The following GDAP1 variants were observed in gnomAD, a reference collection of about 807,000 sequenced individuals.
GDAP1 encodes the protein ganglioside induced differentiation associated protein 1.
In GDAP1, 34 loss-of-function variants were observed where a neutral mutation model predicts 40.1. That is an observed-to-expected ratio of 0.85 (90% CI 0.64 to 1.13). The LOEUF is 1.13. Ranked by LOEUF, GDAP1 falls within the 50% of genes most tolerant of loss-of-function variation. The pLI, the probability that GDAP1 is intolerant of heterozygous loss-of-function variation, is 0.00. For missense variants in GDAP1, 374 were observed against 433.7 expected (o/e 0.86, Z 1.22); for synonymous variants, 170 against 157.4 (o/e 1.08, Z -0.60).
chr8:74,487,862 G>T (rs1290443839), intron 2 of GDAP1, among the ~76,000 whole-genome samples: 1 of 152,100 alleles, frequency 6.6e-6, no homozygotes, highest in Non-Finnish European at 1.5e-5. Flanking sequence ...CCATAAATTG[G>T]GAAGTGTTGT....
chr8:74,469,758 C>A (rs1806523019), intron 2 of GDAP1, among the ~76,000 whole-genome samples: 1 of 151,508 alleles, frequency 6.6e-6, no homozygotes, highest in African/African-American at 2.4e-5. Context: ...GGCGGATCAC[C>A]TGAGGTCGGG....
chr8:74,369,993 G>A (rs943937529), downstream of GDAP1, among the ~76,000 whole-genome samples: 1 of 152,242 alleles, frequency 6.6e-6, no homozygotes, highest in Admixed American at 6.5e-5. Context: ...TAAAAACTTG[G>A]GTTTTAAAGA....
chr8:74,467,405 A>G (rs1322005073), intron 2 of GDAP1, among the ~76,000 whole-genome samples: 1 of 152,210 alleles, frequency 6.6e-6, no homozygotes, highest in Non-Finnish European at 1.5e-5. Context: ...AGATTTAACC[A>G]CTGTGACATA....
At chr8:74,428,164 A>C (rs1223854812) in intron 2 of GDAP1, among the ~76,000 whole-genome samples, 1 of 152,132 alleles carries the variant, frequency 6.6e-6, no homozygotes, top group Non-Finnish European at 1.5e-5. Flanking sequence ...AAGCCGACAT[A>C]GGAGGATTAC....
chr8:74,409,668 A>G (rs555185556), intron 2 of GDAP1, among the ~76,000 whole-genome samples: 1 of 150,032 alleles, frequency 6.7e-6, no homozygotes, highest in East Asian at 1.9e-4. Flanking sequence ...TTCCTTTCTC[A>G]GGAAATCATT....
chr8:74,405,524 G>A (rs1186128482), intron 2 of GDAP1, among the ~76,000 whole-genome samples: 1 of 150,090 alleles, frequency 6.7e-6, no homozygotes, highest in Non-Finnish European at 1.5e-5. Flanking sequence ...TTGTTAAACT[G>A]AAGCAAACTA....
chr8:74,374,081 C>A (rs959636248), intron 2 of GDAP1, among the ~76,000 whole-genome samples: 44 of 152,114 alleles, frequency 2.9e-4, no homozygotes, highest in African/African-American at 1.0e-3. Context: ...GTACGTTGAA[C>A]CAGCCTCGCA....
intron 2 of GDAP1, among the ~76,000 whole-genome samples, chr8:74,429,796 TGTG>T (rs1366486418): frequency 6.6e-6 from 1 of 152,178 alleles, no homozygotes; most frequent in Non-Finnish European, 1.5e-5. Flanking sequence ...GCCCATAGCA[TGTG>T]GTAATGTAGA....
intron 2 of GDAP1, among the ~76,000 whole-genome samples, chr8:74,434,400 A>T (rs943343714): frequency 1.3e-5 from 2 of 152,228 alleles, no homozygotes; most frequent in Non-Finnish European, 2.9e-5. Flanking sequence ...AACTGTTCTC[A>T]TGAAGTAATT....
intron 2 of GDAP1, among the ~76,000 whole-genome samples, chr8:74,377,556 A>G (rs1388327600): frequency 1.3e-5 from 2 of 152,208 alleles, no homozygotes; most frequent in Non-Finnish European, 2.9e-5. Context: ...GCCAAATCCA[A>G]ATTAAAACCG....
chr8:74,453,371 G>C lies in GDAP1; in HGVS notation c.166-35307G>C, dbSNP rs1806306353. ...TCACTCAGGCTATGAGAAATTAAAA[G>C]ACAATACATACCTAAGCACTTATAG... On this transcript the variant is annotated intron_variant, in intron 2 of 2. Coordinates refer to the GDAP1 transcript ENST00000523640. 2.4e-5 allele frequency among the ~76,000 whole-genome samples: 2 copies of C among 84,018 alleles called. 1 individual carries two copies. The highest frequency in any genetic ancestry group is 4.9e-5 in the Non-Finnish European group (2 of 41,220). 55.1% of individuals were successfully genotyped at this position (84,018 alleles called of 152,430 possible). A position where few individuals can be genotyped will look rare whatever the true frequency, so the allele number is the denominator to read the frequency against.
intron 2 of GDAP1, among the ~76,000 whole-genome samples, chr8:74,399,622 G>C (rs2131547894): frequency 7.3e-6 from 1 of 136,278 alleles, no homozygotes; most frequent in Non-Finnish European, 1.5e-5. Context: ...TGCTTTTCTA[G>C]TTCTTTTAAT....
intron 2 of GDAP1, among the ~76,000 whole-genome samples, chr8:74,421,199 G>A (rs1380754192): frequency 1.3e-5 from 2 of 152,170 alleles, no homozygotes; most frequent in African/African-American, 2.4e-5. Context: ...CAAGGAGGCA[G>A]TAATAAACCT....
chr8:74,396,759 T>C (rs547493479), intron 2 of GDAP1, among the ~76,000 whole-genome samples: 6 of 152,244 alleles, frequency 3.9e-5, no homozygotes, highest in South Asian at 2.1e-4. Flanking sequence ...CTATCATTGT[T>C]GGACATTTGG....
chr8:74,360,453 C>T (rs1426830545), intron 3 of GDAP1, 143 bp downstream of exon 3: 9 of 754,618 alleles, frequency 1.2e-5, no homozygotes, highest in South Asian at 2.9e-5. Flanking sequence ...TGTTATGGAT[C>T]GATCCATGAA....
rs1192116064 is a variant in GDAP1, at chr8:74,366,276, T to C, written c.*1909T>C. 8 of 454,378 alleles carry C rather than the reference T, an allele frequency of 1.8e-5. No individual in the cohort carries two copies. Among genetic ancestry groups the C allele is most frequent in the African/African-American group, 1.2e-4 (6 of 50,008 alleles). The allele number at this position is 454,378 out of a possible 1,614,324, so 28.1% of individuals were successfully genotyped here. On this transcript the variant is annotated 3_prime_UTR_variant, in exon 6 of 6. Coordinates refer to ENST00000220822, the MANE Select transcript of GDAP1 (RefSeq NM_018972.4). ...TTAAGGTGTTTGTTTAGGGATACAATGACCACTAGATGTCGCTGTTTATCC... is the reference window on the plus strand; with the variant it reads ...TTAAGGTGTTTGTTTAGGGATACAACGACCACTAGATGTCGCTGTTTATCC...
At chr8:74,396,136 A>C (rs1810195154) in intron 2 of GDAP1, among the ~76,000 whole-genome samples, 1 of 152,098 alleles carries the variant, frequency 6.6e-6, no homozygotes, top group South Asian at 2.1e-4. Context: ...GAAACACTGG[A>C]ATTTACATTA....
At chr8:74,465,234 T>TA (rs1806454295) in intron 2 of GDAP1, among the ~76,000 whole-genome samples, 2 of 151,578 alleles carry the variant, frequency 1.3e-5, no homozygotes, top group Admixed American at 6.6e-5. Context: ...AATAAATAAA[T>TA]AAAAATAAAA....
downstream of GDAP1, chr8:74,367,098 C>CAAAAAAAAAAAA (rs71563287): frequency 7.1e-6 from 1 of 139,950 alleles, no homozygotes; most frequent in Admixed American, 7.1e-5. Flanking sequence ...ACTGATCTCT[C>CAAAAAAAAAAAA]AAAAAAAAAA....
Sources: allele counts gnomAD v4.1 joint callset (sites outside exome capture counted in the v4.1 genomes callset), GRCh38; gene constraint gnomAD v4.1.1; transcripts MANE v1.5; gene names NCBI Gene and HGNC (gene_info 2026-07-23, HGNC 2026-07-21).